The following ERBB4 variants were observed in gnomAD, a reference collection of about 807,000 sequenced individuals.
ERBB4 encodes erb-b2 receptor tyrosine kinase 4.
Under a neutral mutation model 158.0 loss-of-function variants are expected in ERBB4, and 42 were observed. The observed-to-expected ratio is 0.27, with a 90% CI of 0.21 to 0.34. The LOEUF (loss-of-function observed/expected upper bound fraction) is 0.34. ERBB4 is among the 10% of genes least tolerant of loss of function. The probability of loss-of-function intolerance (pLI) is 1.00; values close to 1 mark genes in which losing one functional copy is unlikely to be tolerated. For synonymous variants in ERBB4, 583 were observed against 558.7 expected (o/e 1.04, Z -0.61); for missense variants, 1,333 against 1,624.1 (o/e 0.82, Z 3.08).
intron 20 of ERBB4, among the ~76,000 whole-genome samples, chr2:211,447,470 G>A (rs927453766): frequency 6.6e-6 from 1 of 152,074 alleles, no homozygotes; most frequent in Non-Finnish European, 1.5e-5. Flanking sequence ...AAATGGGGTG[G>A]AGTTTCTTTT....
At position 212,322,611 on chromosome 2, in the gene ERBB4, A is replaced by T. The variant is rs1396854280; in HGVS notation, c.83-197708T>A. Among the ~76,000 whole-genome samples, 3 of 150,472 alleles carry T rather than the reference A, an allele frequency of 2.0e-5. No homozygotes were observed. The East Asian group carries it at 5.9e-4, about 29-fold the overall frequency. ...TTAGATGAAAATAAGTCTGTTGTAA[A>T]AGATTTCCTTGCAATTACTTCACTA... On this transcript the variant is annotated intron_variant, in intron 1 of 27. Coordinates refer to ENST00000342788, the MANE Select transcript of ERBB4 (RefSeq NM_005235.3).
chr2:212,493,425 C>G (rs552971088), intron 1 of ERBB4, among the ~76,000 whole-genome samples: 45 of 150,522 alleles, frequency 3.0e-4, no homozygotes, highest in Admixed American at 1.3e-3. Context: ...CCAGGACTTA[C>G]AAACATATTT....
intron 1 of ERBB4, among the ~76,000 whole-genome samples, chr2:212,212,423 C>A (rs1310501979): frequency 1.3e-5 from 2 of 151,684 alleles, no homozygotes; most frequent in African/African-American, 4.8e-5. Context: ...AGGACGCAGA[C>A]AAATGGAAAA....
rs568497705 is a variant in ERBB4 at position 212,051,653 on chromosome 2, T to C, written c.234+73099A>G. Among the ~76,000 whole-genome samples the C allele has an allele frequency of 2.2e-4, 34 of 152,096 alleles. 1 individual carries two copies. Among genetic ancestry groups the C allele is most frequent in the Non-Finnish European group, 4.7e-4 (32 of 68,012 alleles). On this transcript the variant is annotated intron_variant, in intron 2 of 27. Coordinates refer to ENST00000342788, the MANE Select transcript of ERBB4 (RefSeq NM_005235.3). ...ACACATAATTTAAAGAAAATCTGAG[T>C]GCAAAACAACCTTATTTTAAACTAT...
chr2:211,552,433 GAAGTTT>G (rs1476916362), intron 20 of ERBB4, among the ~76,000 whole-genome samples: 1 of 151,922 alleles, frequency 6.6e-6, no homozygotes, highest in African/African-American at 2.4e-5. Context: ...TTTTTTGGAA[GAAGTTT>G]AAGTTGAGTA....
intron 1 of ERBB4, among the ~76,000 whole-genome samples, chr2:212,483,263 A>T (rs1689800873): frequency 6.6e-6 from 1 of 152,208 alleles, no homozygotes; most frequent in Admixed American, 6.5e-5. Flanking sequence ...CAGGAGGAAA[A>T]TTAAACAGAT....
intron 24 of ERBB4, among the ~76,000 whole-genome samples, chr2:211,421,643 C>CA (rs1248199824): frequency 6.6e-6 from 1 of 151,724 alleles, no homozygotes; most frequent in African/African-American, 2.4e-5. Context: ...AAGATTAAAA[C>CA]AAAAATCTGT....
chr2:212,467,950 T>C (rs1035257230), intron 1 of ERBB4, among the ~76,000 whole-genome samples: 1 of 152,224 alleles, frequency 6.6e-6, no homozygotes, highest in Non-Finnish European at 1.5e-5. Context: ...GACCTGGATG[T>C]GAGACATGGA....
intron 1 of ERBB4, among the ~76,000 whole-genome samples, chr2:212,382,784 A>C (rs1378936315): frequency 6.6e-6 from 1 of 151,270 alleles, no homozygotes; most frequent in Non-Finnish European, 1.5e-5. Flanking sequence ...ATTAATTATA[A>C]TTTGTAATTA....
intron 5 of ERBB4, among the ~76,000 whole-genome samples, chr2:211,737,740 A>G (rs541899042): frequency 1.3e-5 from 2 of 152,302 alleles, no homozygotes; most frequent in South Asian, 4.1e-4. Flanking sequence ...ACATGCAGTG[A>G]ACATTATATA....
chr2:211,889,057 A>G (rs11902509), intron 3 of ERBB4, among the ~76,000 whole-genome samples: 19,756 of 136,052 alleles, frequency 0.15, 3,239 homozygotes, highest in African/African-American at 0.26. Flanking sequence ...ACAGCTCAAG[A>G]AGGCCTGCCT....
chr2:212,074,101 T>C (rs1045889253), intron 2 of ERBB4, among the ~76,000 whole-genome samples: 4 of 152,058 alleles, frequency 2.6e-5, no homozygotes, highest in African/African-American at 7.2e-5. Context: ...ATGAGTCAAA[T>C]AGTGTAGGCA....
chr2:212,056,094 G>T (rs995805691), intron 2 of ERBB4, among the ~76,000 whole-genome samples: 10 of 152,220 alleles, frequency 6.6e-5, no homozygotes, highest in African/African-American at 9.6e-5. Context: ...TGACCTGATG[G>T]AGCTGAAAAA....
intron 3 of ERBB4, among the ~76,000 whole-genome samples, chr2:211,794,280 G>A (rs187799080): frequency 1.3e-5 from 2 of 152,008 alleles, no homozygotes; most frequent in Admixed American, 1.3e-4. Context: ...TGACCACCTA[G>A]TTCTTAGAGT....
intron 1 of ERBB4, among the ~76,000 whole-genome samples, chr2:212,290,396 C>T (rs116226076): frequency 0.013 from 2,041 of 152,064 alleles, 47 homozygotes; most frequent in African/African-American, 0.046. Flanking sequence ...CATCAAAAGA[C>T]AAAGTGAAAG....
At chr2:212,399,544 AC>A (rs775474562) in intron 1 of ERBB4, among the ~76,000 whole-genome samples, 81,102 of 129,750 alleles carry the variant, frequency 0.63, 25,288 homozygotes, top group African/African-American at 0.77. Context: ...TTTTATATAT[AC>A]ATATATATAT....
chr2:212,075,233 T>G (rs1348594730), intron 2 of ERBB4, among the ~76,000 whole-genome samples: 1 of 151,948 alleles, frequency 6.6e-6, no homozygotes, highest in Non-Finnish European at 1.5e-5. Context: ...AATCCAATTC[T>G]CATACACAAG....
chr2:212,379,728 C>A (rs866331820), intron 1 of ERBB4, among the ~76,000 whole-genome samples: 7 of 151,334 alleles, frequency 4.6e-5, no homozygotes, highest in Middle Eastern at 3.4e-3. Flanking sequence ...AAAAATTAAT[C>A]CCCCACCCTG....
intron 20 of ERBB4, among the ~76,000 whole-genome samples, chr2:211,473,370 C>T (rs2064877529): frequency 6.6e-6 from 1 of 152,014 alleles, no homozygotes; most frequent in Non-Finnish European, 1.5e-5. Context: ...AGGTTTCTGG[C>T]CTCCAGAACC....
Sources: gnomAD v4.1 joint callset for allele counts (sites outside exome capture counted in the v4.1 genomes callset) on GRCh38, gnomAD v4.1.1 for gene constraint, MANE v1.5 for transcripts, NCBI Gene and HGNC (gene_info 2026-07-23, HGNC 2026-07-21) for gene names.